Variants in AGAP1 observed in about 807,000 individuals in gnomAD.
The protein encoded by AGAP1 is ArfGAP with GTPase domain, ankyrin repeat and PH domain 1.
AGAP1 carries 29 observed loss-of-function variants against 105.3 expected under a neutral mutation model. The observed-to-expected ratio is 0.28, with a 90% confidence interval of 0.21 to 0.38. The LOEUF is 0.38. AGAP1 is among the 10% of genes least tolerant of loss of function. AGAP1 has a pLI of 1.00. For missense variants in AGAP1, 998 were observed against 1,165.1 expected (o/e 0.86, Z 2.09); for synonymous variants, 509 against 485.9 (o/e 1.05, Z -0.63).
intron 12 of AGAP1, among the ~76,000 whole-genome samples, chr2:235,942,184 T>A (rs1185542045): frequency 6.6e-6 from 1 of 152,164 alleles, no homozygotes; most frequent in Non-Finnish European, 1.5e-5. Flanking sequence ...TGTAGACAGC[T>A]CATGCCAGGC....
chr2:235,954,718 G>A (rs2053876982), intron 12 of AGAP1, among the ~76,000 whole-genome samples: 1 of 151,546 alleles, frequency 6.6e-6, no homozygotes, highest in African/African-American at 2.4e-5. Flanking sequence ...CTTCAGGTTT[G>A]TCCACAGCCC....
intron 1 of AGAP1, among the ~76,000 whole-genome samples, chr2:235,694,306 C>T (rs1049649982): frequency 4.6e-5 from 7 of 151,868 alleles, no homozygotes; most frequent in African/African-American, 1.2e-4. Flanking sequence ...GGTGAAACCC[C>T]GTCTCTACTA....
chr2:235,772,625 ATCT>A (rs941667784), intron 6 of AGAP1, among the ~76,000 whole-genome samples: 2 of 152,206 alleles, frequency 1.3e-5, no homozygotes, highest in African/African-American at 4.8e-5. Context: ...TTTCTTGATT[ATCT>A]TCTTCTGGGA....
At chr2:235,759,360 G>A (rs1007235100) in intron 6 of AGAP1, among the ~76,000 whole-genome samples, 21 of 151,414 alleles carry the variant, frequency 1.4e-4, no homozygotes, top group Middle Eastern at 3.4e-3. Flanking sequence ...TAGTAGAGAC[G>A]GGCTTTCACC....
chr2:235,540,446 C>T (rs568179814), intron 1 of AGAP1, among the ~76,000 whole-genome samples: 2 of 152,296 alleles, frequency 1.3e-5, no homozygotes, highest in South Asian at 4.1e-4. Context: ...AGCCATCGTA[C>T]CCAACCTCAA....
intron 9 of AGAP1, among the ~76,000 whole-genome samples, chr2:235,873,363 C>CT (rs1016255133): frequency 3.9e-4 from 59 of 152,358 alleles, no homozygotes; most frequent in African/African-American, 1.3e-3. Flanking sequence ...TGGCCTCCTG[C>CT]TTCTGAAGCC....
chr2:235,840,480 C>T (rs148140546), intron 9 of AGAP1, among the ~76,000 whole-genome samples: 29 of 152,204 alleles, frequency 1.9e-4, no homozygotes, highest in Admixed American at 1.9e-3. Context: ...AGAAGCCATG[C>T]ACTGTGGTGG....
chr2:235,773,977 C>A, intron 6 of AGAP1: 1 of 470,510 alleles, frequency 2.1e-6, no homozygotes, highest in South Asian at 1.6e-5. Flanking sequence ...AACTTTTTTT[C>A]CCCCTCTAAG....
intron 9 of AGAP1, among the ~76,000 whole-genome samples, chr2:235,848,364 C>T (rs1559558345): frequency 6.6e-6 from 1 of 152,200 alleles, no homozygotes; most frequent in East Asian, 1.9e-4. Context: ...AGAGTCCATG[C>T]AAGGTAAATG....
intron 9 of AGAP1, among the ~76,000 whole-genome samples, chr2:235,852,038 G>A (rs989880779): frequency 2.6e-5 from 4 of 152,148 alleles, no homozygotes; most frequent in African/African-American, 9.7e-5. Flanking sequence ...AGGCCTGTGA[G>A]CTGCTGCCGA....
chr2:235,543,392 T>C (rs536041578), intron 1 of AGAP1, among the ~76,000 whole-genome samples: 6 of 152,302 alleles, frequency 3.9e-5, no homozygotes, highest in African/African-American at 1.2e-4. Context: ...AATCAGAGCC[T>C]GGAATTCTGG....
intron 1 of AGAP1, among the ~76,000 whole-genome samples, chr2:235,587,755 T>TAA (rs35736390): frequency 1.4e-5 from 2 of 145,340 alleles, no homozygotes; most frequent in African/African-American, 5.0e-5. Flanking sequence ...AACTCCGCCT[T>TAA]AAAAAAAAAA....
At position 236,055,117 on chromosome 2, in the gene AGAP1, A is replaced by C. The variant is rs1490509914; in HGVS notation, c.2114+5836A>C. Among the ~76,000 whole-genome samples, 1 of 152,236 alleles carries C rather than the reference A, an allele frequency of 6.6e-6. No homozygotes were observed. Among genetic ancestry groups the C allele is most frequent in the Middle Eastern group, 3.4e-3 (1 of 294 alleles). On this transcript the variant is annotated intron_variant, in intron 16 of 17. Transcript: ENST00000304032. This position sits in a 1 kb window ranked among gnomAD's most constrained non-coding sequence, Gnocchi z 6.2. ...CCGGGCTGTGCTCTTCTTTCAATTA[A>C]GTTCTCTGGGGCTTAATGGTATGAA... is the stretch of plus-strand genomic sequence containing the variant.
intron 1 of AGAP1, among the ~76,000 whole-genome samples, chr2:235,571,127 C>T (rs547801292): frequency 1.3e-5 from 2 of 152,204 alleles, no homozygotes; most frequent in Admixed American, 6.5e-5. Flanking sequence ...AACCAAATCT[C>T]GTGAGAACTC....
At chr2:235,537,459 A>T (rs1407199684) in intron 1 of AGAP1, among the ~76,000 whole-genome samples, 1 of 152,106 alleles carries the variant, frequency 6.6e-6, no homozygotes, top group Non-Finnish European at 1.5e-5. Flanking sequence ...GGGAGTCATG[A>T]GGATGTGGGA....
chr2:236,048,511 A>G (rs2057792687), intron 15 of AGAP1, among the ~76,000 whole-genome samples: 2 of 152,352 alleles, frequency 1.3e-5, no homozygotes, highest in Admixed American at 6.5e-5. Context: ...ACTGAAAACG[A>G]TATTTCTTCA....
At chr2:235,984,097 C>T (rs1208093863) in intron 13 of AGAP1, among the ~76,000 whole-genome samples, 1 of 152,158 alleles carries the variant, frequency 6.6e-6, no homozygotes, top group Non-Finnish European at 1.5e-5. Context: ...TGACCTCCAG[C>T]CTGCTTTCTG....
At chr2:235,829,429 A>G (rs1959189715) in intron 9 of AGAP1, among the ~76,000 whole-genome samples, 2 of 152,238 alleles carry the variant, frequency 1.3e-5, no homozygotes, top group African/African-American at 2.4e-5. Flanking sequence ...ACCAGGTTCT[A>G]ACTTTCCTAA....
At chr2:236,079,816 T>A (rs1412986614) in intron 16 of AGAP1, among the ~76,000 whole-genome samples, 1 of 152,160 alleles carries the variant, frequency 6.6e-6, no homozygotes, top group African/African-American at 2.4e-5. Context: ...TAACATGTAT[T>A]CCACTGTTGC....
Sources: gnomAD v4.1 joint callset for allele counts (sites outside exome capture counted in the v4.1 genomes callset) on GRCh38, gnomAD v4.1.1 for gene constraint, Gnocchi (gnomAD v3.1) non-coding constraint, MANE v1.5 for transcripts, NCBI Gene and HGNC (gene_info 2026-07-23, HGNC 2026-07-21) for gene names.